Variants in MKRN1 observed in about 807,000 individuals in gnomAD.
MKRN1 encodes makorin ring finger protein 1.
Under a neutral mutation model 55.5 loss-of-function variants are expected in MKRN1, and 9 were observed. That is an observed-to-expected ratio of 0.16 (90% CI 0.10 to 0.28). The LOEUF (loss-of-function observed/expected upper bound fraction) is 0.28. MKRN1 is among the 10% of genes least tolerant of loss of function. The pLI is 1.00. For missense variants in MKRN1, 488 were observed against 626.7 expected, an observed-to-expected ratio of 0.78 and a Z score of 2.36; for synonymous variants, 253 against 235.9, an observed-to-expected ratio of 1.07 and a Z score of -0.66.
At chr7:140,461,871 T>C (rs1042761386) in intron 2 of MKRN1, among the ~76,000 whole-genome samples, 1 of 151,700 alleles carries the variant, frequency 6.6e-6, no homozygotes, top group Non-Finnish European at 1.5e-5. Context: ...TAATCCCAGC[T>C]ACTTGGGAGG....
chr7:140,468,287 C>CT (rs1794827223), intron 2 of MKRN1, among the ~76,000 whole-genome samples: 1 of 152,122 alleles, frequency 6.6e-6, no homozygotes, highest in South Asian at 2.1e-4. Flanking sequence ...AGGAACACAG[C>CT]TCCCTTACAA....
At position 140,479,157 on chromosome 7, in the gene MKRN1, T is replaced by A. The variant is rs1186620267; in HGVS notation, c.185+3A>T. The A allele has an allele frequency of 1.4e-6, 2 of 1,384,874 alleles. No homozygotes were observed. The highest frequency in any genetic ancestry group is 1.9e-6 in the Non-Finnish European group (2 of 1,070,706). The allele number at this position is 1,384,874 out of a possible 1,614,324, so 85.8% of individuals were successfully genotyped here. Reference sequence around the variant, plus strand: ...CCCGGCGCTCCGCCGCGCAACGTCCTACCTGCAGGTGACCTGTTTAGTCCA... The same window carrying A: ...CCCGGCGCTCCGCCGCGCAACGTCCAACCTGCAGGTGACCTGTTTAGTCCA... On this transcript the variant is annotated splice_donor_region_variant and intron_variant, in intron 1 of 7. Transcript: ENST00000255977.
At chr7:140,464,821 A>G (rs1346943172) in intron 2 of MKRN1, among the ~76,000 whole-genome samples, 1 of 152,010 alleles carries the variant, frequency 6.6e-6, no homozygotes, top group African/African-American at 2.4e-5. Flanking sequence ...ACAGGGTCTC[A>G]CTCTGTCTCC....
rs1488398510 is a variant in MKRN1, at chr7:140,479,210, GC to G, written c.134del (p.Gly45AlafsTer44). Reference sequence around the variant, plus strand: ...CGCCGCCGCTGCCGTCGCTGCCGCCGCCCCCTCCGCCCGCCCCCAGGGACGG... The same window carrying G: ...CGCCGCCGCTGCCGTCGCTGCCGCCGCCCCTCCGCCCGCCCCCAGGGACGG... ...TAPSLGAGGG[G>X]GGSDGSGGGW... On this transcript the variant is annotated frameshift_variant, in exon 1 of 8. Coordinates refer to ENST00000255977, the MANE Select transcript of MKRN1 (RefSeq NM_013446.4). LOFTEE classifies it high-confidence loss of function. 1 of 1,461,994 alleles carries G rather than the reference GC, an allele frequency of 6.8e-7. No homozygotes were observed. The highest frequency in any genetic ancestry group is 2.3e-4 in the Middle Eastern group (1 of 4,330). The allele number at this position is 1,461,994 out of a possible 1,614,324, so 90.6% of individuals were successfully genotyped here. A position where few individuals can be genotyped will look rare whatever the true frequency, so the allele number is the denominator to read the frequency against.
chr7:140,468,947 T>C (rs1387943564), intron 2 of MKRN1, among the ~76,000 whole-genome samples: 2 of 152,072 alleles, frequency 1.3e-5, no homozygotes, highest in Non-Finnish European at 2.9e-5. Flanking sequence ...TGACTTAACA[T>C]TAATATCCCA....
intron 1 of MKRN1, chr7:140,475,149 C>T (rs1795083265): frequency 2.7e-6 from 1 of 368,544 alleles, no homozygotes; most frequent in Non-Finnish European, 5.5e-6. Flanking sequence ...CAAGACCAGC[C>T]TGGGCAACAT....
chr7:140,477,464 G>A (rs950440451), intron 1 of MKRN1, among the ~76,000 whole-genome samples: 4 of 152,266 alleles, frequency 2.6e-5, no homozygotes, highest in African/African-American at 9.6e-5. Context: ...GAGATTACAA[G>A]CGCCTGTCAC....
chr7:140,454,895 G>A (rs751216345), intron 7 of MKRN1, among the ~76,000 whole-genome samples, 166 bp from the exon 8 acceptor site: 5 of 152,102 alleles, frequency 3.3e-5, no homozygotes, highest in Non-Finnish European at 5.9e-5. Flanking sequence ...CATGGAAATC[G>A]TTTAGGCTAG....
intron 5 of MKRN1, chr7:140,456,110 GTTCT>G: frequency 1.1e-6 from 1 of 875,502 alleles, no homozygotes; most frequent in Non-Finnish European, 1.5e-6. Flanking sequence ...GGGCTAGCCA[GTTCT>G]TTTTTTTTTT....
At chr7:140,461,919 G>T (rs888404520) in intron 2 of MKRN1, among the ~76,000 whole-genome samples, 1 of 152,180 alleles carries the variant, frequency 6.6e-6, no homozygotes, top group African/African-American at 2.4e-5. Flanking sequence ...GGAGGCGGAG[G>T]TTGCAGTGAG....
rs1191855397 is a variant in MKRN1, at chr7:140,479,429, CAGGCG to C, written c.-90_-86del. ...GGCTGCGGGGAGAGGACGGCGAGGCCAGGCGAGGGGAGGGGAAGGACACTGAGGCA... is the reference window on the plus strand; with the variant it reads ...GGCTGCGGGGAGAGGACGGCGAGGCCAGGGGAGGGGAAGGACACTGAGGCA... On this transcript the variant is annotated 5_prime_UTR_variant, in exon 1 of 8. Coordinates refer to ENST00000255977, the MANE Select transcript of MKRN1 (RefSeq NM_013446.4). The C allele has an allele frequency of 8.1e-7, 1 of 1,236,372 alleles. No individual in the cohort carries two copies. Among genetic ancestry groups the C allele is most frequent in the Non-Finnish European group, 1.0e-6 (1 of 981,684 alleles). The allele number at this position is 1,236,372 out of a possible 1,614,324, so 76.6% of individuals were successfully genotyped here.
intron 2 of MKRN1, among the ~76,000 whole-genome samples, chr7:140,467,264 A>G (rs1794800513): frequency 6.6e-6 from 1 of 151,572 alleles, no homozygotes; most frequent in African/African-American, 2.4e-5. Context: ...ATGAGCCACC[A>G]AGCCCAGCCG....
intron 2 of MKRN1, among the ~76,000 whole-genome samples, chr7:140,470,051 A>AT (rs1391340900): frequency 1.7e-4 from 22 of 128,814 alleles, no homozygotes; most frequent in African/African-American, 8.2e-4. Flanking sequence ...TGTCTCAAAA[A>AT]AAAAAAAAAA....
At chr7:140,469,137 T>G (rs1255997243) in intron 2 of MKRN1, among the ~76,000 whole-genome samples, 4 of 151,848 alleles carry the variant, frequency 2.6e-5, no homozygotes, top group African/African-American at 9.7e-5. Flanking sequence ...CCACCCTGGC[T>G]AACACAGTGA....
At chr7:140,477,911 C>A (rs565481370) in intron 1 of MKRN1, among the ~76,000 whole-genome samples, 2 of 152,344 alleles carry the variant, frequency 1.3e-5, no homozygotes, top group East Asian at 3.9e-4. Context: ...TCCACTTTTA[C>A]AATCCACCGA....
chr7:140,456,599 T>C, intron 5 of MKRN1, 53 bp downstream of exon 5: 2 of 1,595,890 alleles, frequency 1.3e-6, no homozygotes, highest in Non-Finnish European at 1.7e-6. Context: ...CACAAGTTAC[T>C]AAATTCTTCC....
chr7:140,454,982 C>A, intron 7 of MKRN1, 113 bp downstream of exon 7: 1 of 1,425,058 alleles, frequency 7.0e-7, no homozygotes, highest in Non-Finnish European at 9.6e-7. Context: ...TAATACTCTA[C>A]ACTTTCGCTC....
intron 2 of MKRN1, among the ~76,000 whole-genome samples, chr7:140,461,584 A>G (rs1325799889): frequency 6.6e-6 from 1 of 151,738 alleles, no homozygotes; most frequent in Non-Finnish European, 1.5e-5. Flanking sequence ...GCAGTGAGCC[A>G]AGATCAGGCC....
At chr7:140,460,740 T>G (rs1794595297) in intron 2 of MKRN1, among the ~76,000 whole-genome samples, 1 of 152,188 alleles carries the variant, frequency 6.6e-6, no homozygotes, top group African/African-American at 2.4e-5. Context: ...GACCATACTT[T>G]TGAGTAGGAA....
Sources: gnomAD v4.1 joint callset for allele counts (sites outside exome capture counted in the v4.1 genomes callset) on GRCh38, gnomAD v4.1.1 for gene constraint, MANE v1.5 for transcripts, NCBI Gene and HGNC (gene_info 2026-07-23, HGNC 2026-07-21) for gene names.